The following GANC variants were observed in gnomAD, a reference collection of about 807,000 sequenced individuals.
The protein encoded by GANC is neutral alpha-glucosidase C.
Under a neutral mutation model 124.2 loss-of-function variants are expected in GANC, and 117 were observed. That is an observed-to-expected ratio of 0.94 (90% CI 0.81 to 1.10). GANC has a LOEUF of 1.10. GANC is among the 50% of genes least tolerant of loss of function. The pLI is 0.00. For missense variants in GANC, 1,140 were observed against 1,095.0 expected (o/e 1.04, Z -0.58); for synonymous variants, 377 against 376.8 (o/e 1.00, Z -0.01).
intron 9 of GANC, 53 bp downstream of exon 9, chr15:42,310,516 T>C (rs2052040520): frequency 6.6e-7 from 1 of 1,516,920 alleles, no homozygotes; most frequent in Non-Finnish European, 8.9e-7. Flanking sequence ...ACAAAACCAC[T>C]GCAGTGGAGT....
At chr15:42,293,082 G>A (rs1426605879) in intron 5 of GANC, among the ~76,000 whole-genome samples, 165 bp downstream of exon 5, 1 of 152,166 alleles carries the variant, frequency 6.6e-6, no homozygotes, top group Non-Finnish European at 1.5e-5. Context: ...GTGAATACAA[G>A]CTTTATGACA....
At chr15:42,296,227 A>C (rs141060408) in intron 5 of GANC, among the ~76,000 whole-genome samples, 89 of 151,806 alleles carry the variant, frequency 5.9e-4, no homozygotes, top group African/African-American at 2.1e-3. Flanking sequence ...TATCCCCCCA[A>C]ATTTTCCTTG....
At position 42,330,682 on chromosome 15, in the gene GANC, G is replaced by T. The variant is rs1333953647; in HGVS notation, c.1741+10G>T. 1 of 1,581,728 alleles carries T rather than the reference G, an allele frequency of 6.3e-7. No individual in the cohort carries two copies. Among genetic ancestry groups the T allele is most frequent in the Non-Finnish European group, 8.6e-7 (1 of 1,162,878 alleles). On this transcript the variant is annotated intron_variant, in intron 15 of 23. Coordinates refer to ENST00000318010, the MANE Select transcript of GANC (RefSeq NM_198141.3). Reference sequence around the variant, plus strand: ...GGATCACAAAAGTATGGTAAGGAATGGCTCATATCAGACTTAAAAACACAT... The same window carrying T: ...GGATCACAAAAGTATGGTAAGGAATTGCTCATATCAGACTTAAAAACACAT...
At chr15:42,283,783 A>T (rs1209964409) in intron 3 of GANC, 1 of 702,572 alleles carries the variant, frequency 1.4e-6, no homozygotes, top group Admixed American at 2.0e-5. Context: ...ACTACCGCTT[A>T]TTAGCCAGTA....
intron 15 of GANC, 42 bp downstream of exon 15, chr15:42,330,714 C>T: frequency 7.9e-7 from 1 of 1,273,576 alleles, no homozygotes; most frequent in South Asian, 1.3e-5. Context: ...ACATTAGCAA[C>T]TTTTTTTTTA....
At position 42,274,559 on chromosome 15, in the gene GANC, CAG is replaced by C. The variant is rs755136712; in HGVS notation, c.29+50_29+51del. 5.6e-5 allele frequency: 87 copies of C among 1,540,582 alleles called. 1 individual carries two copies. In the South Asian group the frequency reaches 9.1e-4, roughly 16 times the overall value. ...CGAGTGACCCCAGGGTCCCTAGAAACAGGGAATAGTGTTTTAATTGCATTTCT... is the reference window on the plus strand; with the variant it reads ...CGAGTGACCCCAGGGTCCCTAGAAACGGAATAGTGTTTTAATTGCATTTCT... On this transcript the variant is annotated intron_variant, in intron 1 of 23. Coordinates refer to ENST00000318010, the MANE Select transcript of GANC (RefSeq NM_198141.3).
At chr15:42,305,612 T>C (rs1242123458) in intron 6 of GANC, among the ~76,000 whole-genome samples, 2 of 152,156 alleles carry the variant, frequency 1.3e-5, no homozygotes, top group Non-Finnish European at 1.5e-5. Context: ...TTCTAAAGAA[T>C]TATAAATCAT....
intron 2 of GANC, chr15:42,277,882 G>A (rs554449072): frequency 8.4e-4 from 137 of 163,684 alleles, no homozygotes; most frequent in African/African-American, 3.3e-3. Flanking sequence ...GATTACAGGC[G>A]TGAGCCACCA....
intron 3 of GANC, among the ~76,000 whole-genome samples, chr15:42,280,103 T>A (rs1390659556): frequency 1.3e-5 from 2 of 152,168 alleles, no homozygotes; most frequent in African/African-American, 4.8e-5. Context: ...TTTATCCCCA[T>A]CCCCTGTCCT....
Position 42,274,394 on chromosome 15 carries a change from T to C in GANC, c.-88T>C. On this transcript the variant is annotated 5_prime_UTR_variant, in exon 1 of 24. Coordinates refer to ENST00000318010, the MANE Select transcript of GANC (RefSeq NM_198141.3). ...TGACGATGAAGTACTGGTTGTAATT[T>C]TAGAAAGACACCCAATCGGCTTTTT... The C allele has an allele frequency of 2.8e-6, 4 of 1,407,916 alleles. No homozygotes were observed. The highest frequency in any genetic ancestry group is 3.9e-6 in the Non-Finnish European group (4 of 1,017,804). 87.2% of individuals were successfully genotyped at this position (1,407,916 alleles called of 1,614,324 possible).
intron 22 of GANC, among the ~76,000 whole-genome samples, 179 bp downstream of exon 22, chr15:42,349,674 C>A (rs954562349): frequency 6.6e-6 from 1 of 151,766 alleles, no homozygotes; most frequent in Non-Finnish European, 1.5e-5. Flanking sequence ...GACAGAGTCT[C>A]ACTCACTCTG....
chr15:42,331,097 C>T (rs2052241491), intron 15 of GANC, among the ~76,000 whole-genome samples: 1 of 152,226 alleles, frequency 6.6e-6, no homozygotes, highest in Admixed American at 6.5e-5. Context: ...CCACACTCAG[C>T]TGATGCCTTC....
rs2051629097 is a variant in GANC, at chr15:42,274,313, AG to A, written c.-168del. On this transcript the variant is annotated 5_prime_UTR_variant, in exon 1 of 24. Coordinates refer to ENST00000318010, the MANE Select transcript of GANC (RefSeq NM_198141.3). ...TTGGGCCTGAAAAATTCCAGGAGCA[AG>A]AGTCAAGATTTGTCACTCCATGAGA... 1.5e-6 allele frequency: 1 copy of A among 678,790 alleles called. No homozygotes were observed. The highest frequency in any genetic ancestry group is 2.5e-6 in the Non-Finnish European group (1 of 396,104). The allele number at this position is 678,790 out of a possible 1,614,324, so 42.0% of individuals were successfully genotyped here.
rs1386550407 is a variant in GANC, at chr15:42,352,892, C to T, written c.*753C>T. On this transcript the variant is annotated 3_prime_UTR_variant, in exon 24 of 24. Transcript: ENST00000318010. ...ACCACTGGACTTCAGAAGTAGAACT[C>T]ATGACTGGGACTAGGATGAGGCAAG... 4.2e-6 allele frequency: 2 copies of T among 474,610 alleles called. No individual in the cohort carries two copies. Among genetic ancestry groups the T allele is most frequent in the Non-Finnish European group, 5.5e-6 (2 of 363,190 alleles). The allele number at this position is 474,610 out of a possible 1,614,324, so 29.4% of individuals were successfully genotyped here.
chr15:42,303,655 A>C (rs1378533198), intron 6 of GANC, among the ~76,000 whole-genome samples: 1 of 136,514 alleles, frequency 7.3e-6, no homozygotes, highest in African/African-American at 2.8e-5. Context: ...AAAGGGAGGG[A>C]GGAATATTTA....
chr15:42,327,376 C>G lies in GANC; in HGVS notation c.1434C>G (p.Tyr478Ter). ...CTGCCTCCACAGGTCTCTCCTCTTA[C>G]CTGGATTTCACCAATCCCAAGGTCA... ...EGVCWPGLSS[Y>*]LDFTNPKVRE... The change falls in exon 13 of 24, where the codon TAC becomes TAG. Residue 478 changes from tyrosine to a stop codon, truncating the protein, a stop_gained. Transcript: ENST00000318010. LOFTEE classifies it high-confidence loss of function. The G allele has an allele frequency of 6.2e-7, 1 of 1,612,804 alleles. No individual in the cohort carries two copies. The highest frequency in any genetic ancestry group is 8.5e-7 in the Non-Finnish European group (1 of 1,179,212).
At chr15:42,346,541 A>AG in intron 20 of GANC, among the ~76,000 whole-genome samples, 1 of 152,306 alleles carries the variant, frequency 6.6e-6, no homozygotes, top group East Asian at 1.9e-4. Context: ...GTAAAATGTG[A>AG]GAAAAAAAGT....
intron 3 of GANC, among the ~76,000 whole-genome samples, chr15:42,282,835 G>C (rs1353523632): frequency 6.6e-6 from 1 of 152,190 alleles, no homozygotes; most frequent in Non-Finnish European, 1.5e-5. Context: ...TAAATTCCAA[G>C]ATCAAGGTGC....
intron 6 of GANC, among the ~76,000 whole-genome samples, chr15:42,304,649 A>G (rs1353252438): frequency 1.3e-5 from 2 of 152,282 alleles, no homozygotes; most frequent in African/African-American, 2.4e-5. Context: ...AAGAGTCCAT[A>G]TAGCCAAGAC....
Sources: gnomAD v4.1 joint callset for allele counts (sites outside exome capture counted in the v4.1 genomes callset) on GRCh38, gnomAD v4.1.1 for gene constraint, MANE v1.5 for transcripts, NCBI Gene and HGNC (gene_info 2026-07-23, HGNC 2026-07-21) for gene names.